NSG2: variants seen among roughly 807,000 people sequenced by gnomAD.
The protein encoded by NSG2 is neuronal vesicle trafficking-associated protein 2.
Under a neutral mutation model 16.9 loss-of-function variants are expected in NSG2, and 4 were observed. The ratio of observed to expected loss-of-function variants is 0.24; its 90% confidence interval spans 0.12 to 0.54. NSG2 has a LOEUF of 0.54. NSG2 is among the 20% of genes least tolerant of loss of function. The pLI, the probability that NSG2 is intolerant of heterozygous loss-of-function variation, is 0.95. For synonymous variants in NSG2, 98 were observed against 88.7 expected (o/e 1.11, Z -0.59); for missense variants, 179 against 221.1 (o/e 0.81, Z 1.21).
At chr5:174,083,232 A>G (rs1760521169) in intron 3 of NSG2, among the ~76,000 whole-genome samples, 1 of 152,156 alleles carries the variant, frequency 6.6e-6, no homozygotes, top group Non-Finnish European at 1.5e-5. Context: ...CCTGACTCCC[A>G]TGTGCCTGGC....
intron 3 of NSG2, among the ~76,000 whole-genome samples, chr5:174,103,891 G>T (rs1233285114): frequency 6.6e-6 from 1 of 152,156 alleles, no homozygotes; most frequent in Non-Finnish European, 1.5e-5. Context: ...CTTGAACCTG[G>T]GAGGTGAAGG....
At chr5:174,070,957 C>G (rs1007630772) in intron 3 of NSG2, among the ~76,000 whole-genome samples, 1 of 152,204 alleles carries the variant, frequency 6.6e-6, no homozygotes, top group Non-Finnish European at 1.5e-5. Flanking sequence ...AGGAGCATCC[C>G]TGACCCCACA....
intron 3 of NSG2, among the ~76,000 whole-genome samples, chr5:174,084,853 C>G (rs1388727152): frequency 6.6e-6 from 1 of 152,212 alleles, no homozygotes; most frequent in African/African-American, 2.4e-5. Flanking sequence ...CTCTAATGCT[C>G]TGTGGCGATG....
At chr5:174,083,220 T>G (rs1760520887) in intron 3 of NSG2, among the ~76,000 whole-genome samples, 1 of 152,224 alleles carries the variant, frequency 6.6e-6, no homozygotes, top group Non-Finnish European at 1.5e-5. Flanking sequence ...GTATACGTCA[T>G]CCCTGACTCC....
Position 174,108,814 on chromosome 5 carries a change from G to A in NSG2, c.*1309G>A, listed in dbSNP as rs551996578. 2.0e-5 allele frequency: 3 copies of A among 152,846 alleles called. No individual in the cohort carries two copies. The East Asian group carries it at 5.6e-4, about 29-fold the overall frequency. The allele number at this position is 152,846 out of a possible 1,614,324, so 9.5% of individuals were successfully genotyped here. A position where few individuals can be genotyped will look rare whatever the true frequency, so the allele number is the denominator to read the frequency against. ...CCAGCTGGGAGAATTGGTTATTTGA[G>A]ATGTGGTACTGCTTCCTCACAAGTC... On this transcript the variant is annotated 3_prime_UTR_variant, in exon 5 of 5. Coordinates refer to ENST00000303177, the MANE Select transcript of NSG2 (RefSeq NM_015980.5).
intron 2 of NSG2, among the ~76,000 whole-genome samples, chr5:174,050,728 G>C (rs1490827557): frequency 6.6e-6 from 1 of 152,096 alleles, no homozygotes; most frequent in Non-Finnish European, 1.5e-5. Context: ...GAAGGGACCT[G>C]GACTGGTCCC....
chr5:174,048,718 C>T (rs1363601336), intron 2 of NSG2, among the ~76,000 whole-genome samples: 1 of 152,150 alleles, frequency 6.6e-6, no homozygotes, highest in Admixed American at 6.5e-5. Flanking sequence ...CCTTACTCTC[C>T]CACCCACCTC....
chr5:174,092,723 C>A (rs552171953), intron 3 of NSG2, among the ~76,000 whole-genome samples: 1 of 152,146 alleles, frequency 6.6e-6, no homozygotes, highest in Non-Finnish European at 1.5e-5. Context: ...GTTTTTCGTA[C>A]ATTAGCGCAC....
At chr5:174,103,402 G>T (rs1760930113) in intron 3 of NSG2, among the ~76,000 whole-genome samples, 1 of 152,156 alleles carries the variant, frequency 6.6e-6, no homozygotes, top group African/African-American at 2.4e-5. Flanking sequence ...AGATGAAGAA[G>T]AATGCAGGTG....
intron 2 of NSG2, among the ~76,000 whole-genome samples, chr5:174,054,875 G>C (rs1759943179): frequency 6.6e-6 from 1 of 152,168 alleles, no homozygotes; most frequent in African/African-American, 2.4e-5. Flanking sequence ...CCCTGGGTGA[G>C]TTTATTAACC....
At chr5:174,060,159 A>G (rs946005690) in intron 2 of NSG2, among the ~76,000 whole-genome samples, 9 of 152,204 alleles carry the variant, frequency 5.9e-5, no homozygotes, top group African/African-American at 2.2e-4. Flanking sequence ...TTATGAGAAT[A>G]AAAATGATAT....
intron 2 of NSG2, among the ~76,000 whole-genome samples, chr5:174,055,115 G>A (rs1759947270): frequency 6.6e-6 from 1 of 152,210 alleles, no homozygotes; most frequent in Admixed American, 6.5e-5. Flanking sequence ...AGCAAGGAGA[G>A]GTGAACAGTG....
intron 2 of NSG2, among the ~76,000 whole-genome samples, chr5:174,057,869 AG>A (rs748075230): frequency 6.6e-6 from 1 of 152,126 alleles, no homozygotes; most frequent in Non-Finnish European, 1.5e-5. Context: ...CTCGATCTAG[AG>A]GGATCTTTCC....
chr5:174,064,329 T>C lies in NSG2; in HGVS notation c.213+14T>C, dbSNP rs1426257267. 4 of 1,601,274 alleles carry C rather than the reference T, an allele frequency of 2.5e-6. No individual in the cohort carries two copies. Among genetic ancestry groups the C allele is most frequent in the Non-Finnish European group, 3.4e-6 (4 of 1,169,296 alleles). On this transcript the variant is annotated intron_variant, in intron 3 of 4. Coordinates refer to ENST00000303177, the MANE Select transcript of NSG2 (RefSeq NM_015980.5). ...GCTGAATTTACGGTCAGTTTCTTGATGGTGTAATAGAAAGAGTAAAGGAGA... is the reference window on the plus strand; with the variant it reads ...GCTGAATTTACGGTCAGTTTCTTGACGGTGTAATAGAAAGAGTAAAGGAGA...
At chr5:174,067,503 G>T (rs1760163135) in intron 3 of NSG2, among the ~76,000 whole-genome samples, 1 of 152,236 alleles carries the variant, frequency 6.6e-6, no homozygotes, top group African/African-American at 2.4e-5. Context: ...GGAAAGAAGG[G>T]CTTTGTGGTT....
chr5:174,051,449 C>T (rs1258822528), intron 2 of NSG2, among the ~76,000 whole-genome samples: 1 of 152,218 alleles, frequency 6.6e-6, no homozygotes, highest in East Asian at 1.9e-4. Context: ...CCAGTTCAGA[C>T]AGCACCTCTC....
intron 3 of NSG2, among the ~76,000 whole-genome samples, chr5:174,069,051 G>A (rs1420428323): frequency 2.0e-5 from 3 of 151,500 alleles, no homozygotes; most frequent in Admixed American, 1.3e-4. Flanking sequence ...GAGGGTGCTG[G>A]TGCTGTGGAA....
intron 2 of NSG2, among the ~76,000 whole-genome samples, chr5:174,047,465 G>A (rs972837117): frequency 6.6e-6 from 1 of 152,192 alleles, no homozygotes; most frequent in Admixed American, 6.5e-5. Flanking sequence ...TTTGGGAATG[G>A]GACTGAGAAG....
intron 2 of NSG2, among the ~76,000 whole-genome samples, chr5:174,059,361 A>G (rs921749820): frequency 6.6e-6 from 1 of 152,178 alleles, no homozygotes; most frequent in African/African-American, 2.4e-5. Context: ...AGATGTTCCC[A>G]GTTTGGGGCT....
Sources: allele counts gnomAD v4.1 joint callset (sites outside exome capture counted in the v4.1 genomes callset), GRCh38; gene constraint gnomAD v4.1.1; transcripts MANE v1.5; gene names NCBI Gene and HGNC (gene_info 2026-07-23, HGNC 2026-07-21).